Variants in EPHA1 observed in about 807,000 individuals in gnomAD.
EPHA1 encodes EPH receptor A1, also known as ephrin type-A receptor 1.
EPHA1 carries 92 observed loss-of-function variants against 110.1 expected under a neutral mutation model. That is an observed-to-expected ratio of 0.84 (90% CI 0.71 to 0.99). The LOEUF (loss-of-function observed/expected upper bound fraction) is 0.99. Ranked by LOEUF, EPHA1 falls within the 50% of genes least tolerant of loss-of-function variation. The pLI is 0.00. For missense variants in EPHA1, 1,204 were observed against 1,285.4 expected, an observed-to-expected ratio of 0.94 and a Z score of 0.97; for synonymous variants, 500 against 516.1, an observed-to-expected ratio of 0.97 and a Z score of 0.42.
rs1805588856 is a variant in EPHA1, at chr7:143,407,551, A to C, written c.150+60T>G. On this transcript the variant is annotated intron_variant, in intron 2 of 17. Coordinates refer to ENST00000275815, the MANE Select transcript of EPHA1 (RefSeq NM_005232.5). ...TCTCTGTTCCTCCACCCACCTCTCC[A>C]CCCCATTTCCCACTGGCCTTCAGGA... The C allele has an allele frequency of 3.3e-6, 5 of 1,535,360 alleles. No individual in the cohort carries two copies. The African/African-American group carries it at 4.2e-5, about 13-fold the overall frequency.
chr7:143,403,082 G>A (rs1437342110), intron 2 of EPHA1, among the ~76,000 whole-genome samples: 1 of 152,140 alleles, frequency 6.6e-6, no homozygotes, highest in Non-Finnish European at 1.5e-5. Flanking sequence ...ATAAGTATTT[G>A]AGGGCCGGGA....
Position 143,401,263 on chromosome 7 carries a change from C to T in EPHA1, c.432+61G>A. The T allele has an allele frequency of 1.3e-6, 2 of 1,575,670 alleles. No homozygotes were observed. The highest frequency in any genetic ancestry group is 2.3e-5 in the South Asian group (2 of 85,572). ...CCTGTCTCTGCAACCTTCTCTGGCA[C>T]CCAATAAGGAGCCACCAGGGATCTG... On this transcript the variant is annotated intron_variant, in intron 3 of 17. Transcript: ENST00000275815. The surrounding 1 kb of genome is among the most constrained non-coding windows in gnomAD (Gnocchi z 4.1).
chr7:143,408,743 C>T lies in EPHA1; in HGVS notation c.63G>A (p.Pro21=), dbSNP rs1326430413. The change falls in exon 1 of 18, where the codon CCG becomes CCA. Residue 21 remains proline (P), a synonymous_variant. Transcript: ENST00000275815. The part of the protein sequence containing the change: ...LVLLLCAPLP[P]GARAKEVTLM... ...CGGTACCTTCCTTGGCGCGCGCCCCCGGGGGCAGCGGGGCGCAGAGCAGCA... is the reference window on the plus strand; with the variant it reads ...CGGTACCTTCCTTGGCGCGCGCCCCTGGGGGCAGCGGGGCGCAGAGCAGCA... 5.8e-6 allele frequency: 6 copies of T among 1,029,806 alleles called. No individual in the cohort carries two copies. The highest frequency in any genetic ancestry group is 1.7e-5 in the African/African-American group (1 of 59,136). 63.8% of individuals were successfully genotyped at this position (1,029,806 alleles called of 1,614,324 possible).
chr7:143,391,905 C>G (rs961183708), intron 16 of EPHA1, 130 bp from the exon 17 acceptor site: 1 of 1,471,016 alleles, frequency 6.8e-7, no homozygotes, highest in African/African-American at 1.4e-5. Flanking sequence ...TGTGGATTGA[C>G]CCCACCATTA....
Position 143,401,279 on chromosome 7 carries a change from C to T in EPHA1, c.432+45G>A. 1 of 1,596,792 alleles carries T rather than the reference C, an allele frequency of 6.3e-7. No homozygotes were observed. The highest frequency in any genetic ancestry group is 2.2e-5 in the East Asian group (1 of 44,672). On this transcript the variant is annotated intron_variant, in intron 3 of 17. Coordinates refer to ENST00000275815, the MANE Select transcript of EPHA1 (RefSeq NM_005232.5). This position sits in a 1 kb window ranked among gnomAD's most constrained non-coding sequence, Gnocchi z 4.1. ...TCTCTGGCACCCAATAAGGAGCCAC[C>T]AGGGATCTGCACCAGGACCCAGATG...
In EPHA1 at chr7:143,393,631, G is replaced by C; in HGVS notation, c.2696+40C>G. Reference sequence around the variant, plus strand: ...GAATGCCCATTTCCACTCTCCTAGCGCTGCCTCTGGGTTCCCTAGTCCTTC... The same window carrying C: ...GAATGCCCATTTCCACTCTCCTAGCCCTGCCTCTGGGTTCCCTAGTCCTTC... On this transcript the variant is annotated intron_variant, in intron 16 of 17. Coordinates refer to ENST00000275815, the MANE Select transcript of EPHA1 (RefSeq NM_005232.5). This position sits in a 1 kb window ranked among gnomAD's most constrained non-coding sequence, Gnocchi z 5.6. 6.2e-7 allele frequency: 1 copy of C among 1,601,140 alleles called. No individual in the cohort carries two copies. Among genetic ancestry groups the C allele is most frequent in the Non-Finnish European group, 8.5e-7 (1 of 1,173,072 alleles).
intron 2 of EPHA1, among the ~76,000 whole-genome samples, chr7:143,405,436 CGTGTGT>C (rs71523910): frequency 3.9e-4 from 58 of 149,458 alleles, no homozygotes; most frequent in East Asian, 1.4e-3. Flanking sequence ...TGCATGTGTG[CGTGTGT>C]GTGTGTGTGT....
rs769720234 is a variant in EPHA1, at chr7:143,401,502, C to G, written c.254G>C (p.Trp85Ser). ...GGAAGCCTCCTCCCCGCGGTAGATC[C>G]AATTGGAGCGAAGCCAGTGGTCAGT... Reference protein sequence around the residue: ...RDTDHWLRSNWIYRGEEASRV... With the variant: ...RDTDHWLRSNSIYRGEEASRV... Residue 85 changes from tryptophan to serine, a missense_variant, in exon 3 of 18, where the codon TGG becomes TCG. Coordinates refer to ENST00000275815, the MANE Select transcript of EPHA1 (RefSeq NM_005232.5). This position sits in a 1 kb window ranked among gnomAD's most constrained non-coding sequence, Gnocchi z 4.1. 1 of 1,614,126 alleles carries G rather than the reference C, an allele frequency of 6.2e-7. No homozygotes were observed. Among genetic ancestry groups the G allele is most frequent in the Non-Finnish European group, 8.5e-7 (1 of 1,180,044 alleles).
chr7:143,396,881 G>A (rs748131173), intron 10 of EPHA1, among the ~76,000 whole-genome samples: 2 of 152,088 alleles, frequency 1.3e-5, no homozygotes, highest in African/African-American at 2.4e-5. Flanking sequence ...CCAGCTGCCC[G>A]GATGGACCCC....
Position 143,399,905 on chromosome 7 carries a change from A to G in EPHA1, c.581T>C (p.Leu194Pro), listed in dbSNP as rs1805371888. The part of the protein sequence containing the change: ...AFHNPGACVA[L>P]VSVRVFYQRC... ...CTGGTAGAAGACCCGGACAGACACC[A>G]GGGCCACACAGGCACCCGGGTTGTG... Residue 194 changes from leucine to proline, a missense_variant, in exon 4 of 18, where the codon CTG becomes CCG. Leu to Pro is a moderately conservative substitution (Grantham distance 98). Transcript: ENST00000275815. 3.1e-6 allele frequency: 5 copies of G among 1,611,930 alleles called. No homozygotes were observed. Among genetic ancestry groups the G allele is most frequent in the Non-Finnish European group, 4.2e-6 (5 of 1,179,074 alleles).
At chr7:143,396,604 C>G in intron 10 of EPHA1, 94 bp from the exon 11 acceptor site, 1 of 1,466,282 alleles carries the variant, frequency 6.8e-7, no homozygotes, top group Non-Finnish European at 9.3e-7. Flanking sequence ...CACACTTCTC[C>G]ACACCTCCCT....
rs755617285 is a variant in EPHA1 at position 143,399,326 on chromosome 7, GC to G, written c.922del (p.Ala308ProfsTer32). 10 of 1,612,428 alleles carry G rather than the reference GC, an allele frequency of 6.2e-6. No individual in the cohort carries two copies. In the Admixed American group the frequency reaches 6.7e-5, roughly 11 times the overall value. On this transcript the variant is annotated frameshift_variant, in exon 5 of 18. Transcript: ENST00000275815. LOFTEE classifies it high-confidence loss of function. Reference sequence around the variant, plus strand: ...GCCGCTCTCACAGGTACAGATGGTGGCCCCCTCAGACTCAGCAGTGCTCTGC... The same window carrying G: ...GCCGCTCTCACAGGTACAGATGGTGGCCCCTCAGACTCAGCAGTGCTCTGC... The part of the protein sequence containing the change: ...PQQSTAESEG[A>X]TICTCESGHY...
In EPHA1 at chr7:143,394,182, T is replaced by A. The variant is rs1178791399; in HGVS notation, c.2502+12A>T. The A allele has an allele frequency of 6.2e-7, 1 of 1,607,616 alleles. No homozygotes were observed. On this transcript the variant is annotated intron_variant, in intron 15 of 17. Transcript: ENST00000275815. ...ATTGGAGACAAGATGAGGAAGAATA[T>A]TCTGGGCTCACCTCCTGATTGCTCA...
At position 143,399,260 on chromosome 7, in the gene EPHA1, G is replaced by A. The variant is rs1787360676; in HGVS notation, c.989C>T (p.Thr330Ile). 6.2e-7 allele frequency: 1 copy of A among 1,611,330 alleles called. No homozygotes were observed. ...APGEGPQVACTGPPSAPRNLS... is the reference protein window; with the variant it reads ...APGEGPQVACIGPPSAPRNLS... Reference sequence around the variant, plus strand: ...CACGCCCCACCCCCTGGACTCACCTGTGCATGCCACCTGGGGGCCCTCCCC... The same window carrying A: ...CACGCCCCACCCCCTGGACTCACCTATGCATGCCACCTGGGGGCCCTCCCC... The change falls in exon 5 of 18, where the codon ACA (threonine) becomes ATA (isoleucine). Residue 330 changes from threonine to isoleucine, a missense_variant and splice_region_variant. Physicochemically the swap from Thr to Ile is moderately conservative, Grantham distance 89. Coordinates refer to ENST00000275815, the MANE Select transcript of EPHA1 (RefSeq NM_005232.5).
chr7:143,393,922 G>A lies in EPHA1; in HGVS notation c.2503-58C>T. The A allele has an allele frequency of 6.7e-7, 1 of 1,494,316 alleles. No homozygotes were observed. Among genetic ancestry groups the A allele is most frequent in the Non-Finnish European group, 9.0e-7 (1 of 1,116,530 alleles). 92.6% of individuals were successfully genotyped at this position (1,494,316 alleles called of 1,614,324 possible). A position where few individuals can be genotyped will look rare whatever the true frequency, so the allele number is the denominator to read the frequency against. On this transcript the variant is annotated intron_variant, in intron 15 of 17. Coordinates refer to ENST00000275815, the MANE Select transcript of EPHA1 (RefSeq NM_005232.5). The surrounding 1 kb of genome is among the most constrained non-coding windows in gnomAD (Gnocchi z 5.6). ...AGCAAGCTAACCTGGAGGCCCATGA[G>A]AAACCGACGGTCACACAAGATAATT...
Position 143,393,200 on chromosome 7 carries a change from C to G in EPHA1, c.2696+471G>C, listed in dbSNP as rs1805139560. On this transcript the variant is annotated intron_variant, in intron 16 of 17. Coordinates refer to ENST00000275815, the MANE Select transcript of EPHA1 (RefSeq NM_005232.5). The surrounding 1 kb of genome is among the most constrained non-coding windows in gnomAD (Gnocchi z 5.6). ...ACCCCAGCCTGGCTGCCCAAGCTCC[C>G]TGGAGCTTGGGTAATAAGTGCAGCT... 6.6e-6 allele frequency among the ~76,000 whole-genome samples: 1 copy of G among 152,156 alleles called. No homozygotes were observed. Among genetic ancestry groups the G allele is most frequent in the South Asian group, 2.1e-4 (1 of 4,820 alleles).
In EPHA1 at chr7:143,401,024, G is replaced by A. The variant is rs1261342574; in HGVS notation, c.432+300C>T. 4.2e-5 allele frequency: 16 copies of A among 380,316 alleles called. No individual in the cohort carries two copies. Among genetic ancestry groups the A allele is most frequent in the East Asian group, 5.8e-5 (1 of 17,116 alleles). 23.6% of individuals were successfully genotyped at this position (380,316 alleles called of 1,614,324 possible). A position where few individuals can be genotyped will look rare whatever the true frequency, so the allele number is the denominator to read the frequency against. On this transcript the variant is annotated intron_variant, in intron 3 of 17. Coordinates refer to ENST00000275815, the MANE Select transcript of EPHA1 (RefSeq NM_005232.5). This position sits in a 1 kb window ranked among gnomAD's most constrained non-coding sequence, Gnocchi z 4.1. ...TCCTCCTGCCTCAGCCTCCTGAGTC[G>A]CTGGGACTACAGGTATGGGCCACCA...
rs745729119 is a variant in EPHA1, at chr7:143,393,879, A to G, written c.2503-15T>C. 1 of 1,531,518 alleles carries G rather than the reference A, an allele frequency of 6.5e-7. No homozygotes were observed. The highest frequency in any genetic ancestry group is 1.3e-5 in the South Asian group (1 of 77,678). The allele number at this position is 1,531,518 out of a possible 1,614,324, so 94.9% of individuals were successfully genotyped here. On this transcript the variant is annotated splice_polypyrimidine_tract_variant and intron_variant, in intron 15 of 17. Coordinates refer to ENST00000275815, the MANE Select transcript of EPHA1 (RefSeq NM_005232.5). This position sits in a 1 kb window ranked among gnomAD's most constrained non-coding sequence, Gnocchi z 5.6. ...CTCTTCATAACCTGCACGGCGGGAC[A>G]GGAGGATGCTCTAGAGTAGCAAGCT...
At chr7:143,403,894 C>T (rs1193766399) in intron 2 of EPHA1, among the ~76,000 whole-genome samples, 1 of 152,126 alleles carries the variant, frequency 6.6e-6, no homozygotes, top group Non-Finnish European at 1.5e-5. Flanking sequence ...TTTGATTACT[C>T]AGTTGGATGA....
Sources: gnomAD v4.1 joint callset for allele counts (sites outside exome capture counted in the v4.1 genomes callset) on GRCh38, gnomAD v4.1.1 for gene constraint, Gnocchi (gnomAD v3.1) non-coding constraint, MANE v1.5 for transcripts, NCBI Gene and HGNC (gene_info 2026-07-23, HGNC 2026-07-21) for gene names.